The following ATXN1 variants were observed in gnomAD, a reference collection of about 807,000 sequenced individuals.
The protein encoded by ATXN1 is ataxin 1.
ATXN1 carries 8 observed loss-of-function variants against 56.4 expected under a neutral mutation model. The observed-to-expected ratio is 0.14, with a 90% CI of 0.08 to 0.26. The LOEUF is 0.26. Among genes scored for constraint, ATXN1 ranks in the 10% least tolerant of loss-of-function variants. ATXN1 has a pLI of 1.00. For synonymous variants in ATXN1, 514 were observed against 494.6 expected (o/e 1.04, Z -0.52); for missense variants, 987 against 1,106.5 (o/e 0.89, Z 1.53).
chr6:16,443,976 C>T (rs141424993), intron 6 of ATXN1, among the ~76,000 whole-genome samples: 5,763 of 152,014 alleles, frequency 0.038, 371 homozygotes, highest in African/African-American at 0.13. Context: ...ATTAGCCAGG[C>T]GTGGTGGCGG....
intron 5 of ATXN1, among the ~76,000 whole-genome samples, chr6:16,487,350 G>C (rs1760570162): frequency 6.6e-6 from 1 of 151,936 alleles, no homozygotes; most frequent in African/African-American, 2.4e-5. Context: ...AAAAAAGAGT[G>C]GTCCTTTATC....
chr6:16,403,423 TCACTTC>T (rs1758621932), intron 6 of ATXN1, among the ~76,000 whole-genome samples: 1 of 152,212 alleles, frequency 6.6e-6, no homozygotes, highest in African/African-American at 2.4e-5. Context: ...TAATCTCAGC[TCACTTC>T]AGCCTTGACC....
intron 3 of ATXN1, among the ~76,000 whole-genome samples, chr6:16,642,859 TAA>T (rs1447035129): frequency 6.6e-6 from 1 of 152,228 alleles, no homozygotes. Context: ...ATTGGATAAT[TAA>T]TAGACTATAG....
rs76317739 is a variant in ATXN1, at chr6:16,752,857, T to G, written c.-615+376A>C. The G allele has an allele frequency of 2.8e-3, 507 of 177,908 alleles. 3 individuals carry two copies. The highest frequency in any genetic ancestry group is 0.011 in the African/African-American group (466 of 41,876). 11.0% of individuals were successfully genotyped at this position (177,908 alleles called of 1,614,324 possible). A position where few individuals can be genotyped will look rare whatever the true frequency, so the allele number is the denominator to read the frequency against. On this transcript the variant is annotated intron_variant, in intron 2 of 7. Transcript: ENST00000436367. Reference sequence around the variant, plus strand: ...AGGTCTCTGTTTTGCTACGCACATATTATACTACAACAGTAATCTAAAATG... The same window carrying G: ...AGGTCTCTGTTTTGCTACGCACATAGTATACTACAACAGTAATCTAAAATG...
chr6:16,366,373 A>G (rs895633733), intron 6 of ATXN1, among the ~76,000 whole-genome samples: 134 of 152,130 alleles, frequency 8.8e-4, no homozygotes, highest in African/African-American at 3.1e-3. Flanking sequence ...CTATCCGCTG[A>G]CCCCTTTGCA....
chr6:16,351,105 G>T (rs540736586), intron 6 of ATXN1, among the ~76,000 whole-genome samples: 38 of 152,014 alleles, frequency 2.5e-4, no homozygotes, highest in Admixed American at 7.2e-4. Context: ...TAAAGAAAAT[G>T]GAGATAATAA....
intron 6 of ATXN1, among the ~76,000 whole-genome samples, chr6:16,428,920 GA>G (rs1235988643): frequency 1.3e-5 from 2 of 152,218 alleles, no homozygotes; most frequent in Non-Finnish European, 2.9e-5. Context: ...TGAAGTAGAG[GA>G]AGGATTTTGA....
chr6:16,347,027 C>T (rs1176296503), intron 6 of ATXN1, among the ~76,000 whole-genome samples: 1 of 152,238 alleles, frequency 6.6e-6, no homozygotes, highest in Non-Finnish European at 1.5e-5. Flanking sequence ...AGCAGTTGGG[C>T]CAGCAGCCGC....
chr6:16,301,032 G>C lies in ATXN1; in HGVS notation c.*5297C>G, dbSNP rs1760077770. On this transcript the variant is annotated 3_prime_UTR_variant, in exon 8 of 8. Transcript: ENST00000436367. ...ATAACCATACAAATCTGATCATTTA[G>C]ACATGACAAATTTCTATATACAAAA... is the stretch of plus-strand genomic sequence containing the variant. 6.7e-6 allele frequency: 1 copy of C among 149,912 alleles called. No homozygotes were observed. The highest frequency in any genetic ancestry group is 1.5e-5 in the Non-Finnish European group (1 of 67,694). 9.3% of individuals were successfully genotyped at this position (149,912 alleles called of 1,614,324 possible). A position where few individuals can be genotyped will look rare whatever the true frequency, so the allele number is the denominator to read the frequency against.
At chr6:16,643,097 C>A (rs1763736080) in intron 3 of ATXN1, among the ~76,000 whole-genome samples, 1 of 151,886 alleles carries the variant, frequency 6.6e-6, no homozygotes, top group Non-Finnish European at 1.5e-5. Flanking sequence ...TGGTGAAACC[C>A]CATCTCTACT....
Position 16,530,842 on chromosome 6 carries a change from G to T in ATXN1, c.-360-8154C>A, listed in dbSNP as rs138444767. ...CCTGGGTGTCTGTGTTCACGGGTGG[G>T]TATGCGTGTGTGTGTATGTGTAGCA... On this transcript the variant is annotated intron_variant, in intron 4 of 7. Coordinates refer to ENST00000436367, the MANE Select transcript of ATXN1 (RefSeq NM_001128164.2). Among the ~76,000 whole-genome samples, 791 of 152,244 alleles carry T rather than the reference G, an allele frequency of 5.2e-3. 32 individuals carry two copies. Among genetic ancestry groups the T allele is most frequent in the Admixed American group, 0.045 (683 of 15,286 alleles).
chr6:16,315,230 A>G (rs1431010024), intron 7 of ATXN1, among the ~76,000 whole-genome samples: 1 of 152,136 alleles, frequency 6.6e-6, no homozygotes, highest in African/African-American at 2.4e-5. Context: ...CCCCATCTCC[A>G]TAAATGGTAT....
chr6:16,584,898 G>A (rs1008727757), intron 4 of ATXN1, among the ~76,000 whole-genome samples: 1 of 152,006 alleles, frequency 6.6e-6, no homozygotes, highest in African/African-American at 2.4e-5. Flanking sequence ...ATTTGTAATG[G>A]GAACTAATAC....
intron 4 of ATXN1, among the ~76,000 whole-genome samples, chr6:16,525,386 G>A (rs933975789): frequency 6.6e-6 from 1 of 152,218 alleles, no homozygotes; most frequent in African/African-American, 2.4e-5. Context: ...TGGATGGAAC[G>A]AGAGATCATT....
intron 6 of ATXN1, among the ~76,000 whole-genome samples, chr6:16,424,650 T>C (rs1759111942): frequency 6.6e-6 from 1 of 152,200 alleles, no homozygotes; most frequent in Non-Finnish European, 1.5e-5. Context: ...GTGGAAGGAA[T>C]GCTGAAGTAA....
rs1013078970 is a variant in ATXN1 at position 16,302,199 on chromosome 6, A to C, written c.*4130T>G. On this transcript the variant is annotated 3_prime_UTR_variant, in exon 8 of 8. Transcript: ENST00000436367. ...TCAAAGTGCTGCTTCTGGACACGTC[A>C]GTGTACCACACACACACCTGCCCCG... is the stretch of plus-strand genomic sequence containing the variant. The C allele has an allele frequency of 1.3e-5, 2 of 152,542 alleles. No homozygotes were observed. Among genetic ancestry groups the C allele is most frequent in the Non-Finnish European group, 2.9e-5 (2 of 68,048 alleles). 9.4% of individuals were successfully genotyped at this position (152,542 alleles called of 1,614,324 possible). A position where few individuals can be genotyped will look rare whatever the true frequency, so the allele number is the denominator to read the frequency against.
intron 2 of ATXN1, among the ~76,000 whole-genome samples, chr6:16,729,672 C>T (rs371389486): frequency 6.6e-6 from 1 of 152,192 alleles, no homozygotes; most frequent in African/African-American, 2.4e-5. Context: ...GGGGAACCTA[C>T]CAACAACTGG....
At chr6:16,446,509 A>T (rs979739001) in intron 6 of ATXN1, among the ~76,000 whole-genome samples, 3 of 152,332 alleles carry the variant, frequency 2.0e-5, no homozygotes, top group African/African-American at 7.2e-5. Context: ...GCCCAACCCC[A>T]GATTTGTGAA....
At chr6:16,490,462 C>T (rs1177827630) in intron 5 of ATXN1, among the ~76,000 whole-genome samples, 2 of 152,308 alleles carry the variant, frequency 1.3e-5, no homozygotes, top group South Asian at 2.1e-4. Context: ...AGTATTTCAC[C>T]GCCTACATCT....
Sources: allele counts gnomAD v4.1 joint callset (sites outside exome capture counted in the v4.1 genomes callset), GRCh38; gene constraint gnomAD v4.1.1; transcripts MANE v1.5; gene names NCBI Gene and HGNC (gene_info 2026-07-23, HGNC 2026-07-21).